Variants in F2R observed in about 807,000 individuals in gnomAD.
F2R encodes proteinase-activated receptor 1.
A neutral mutation model predicts 18.3 loss-of-function variants in F2R; 12 were observed. The observed-to-expected ratio is 0.66, with a 90% CI of 0.42 to 1.06. The LOEUF is 1.06. Ranked by LOEUF, F2R falls within the 50% of genes least tolerant of loss-of-function variation. The pLI is 0.00. For missense variants in F2R, 438 were observed against 530.8 expected, an observed-to-expected ratio of 0.83 and a Z score of 1.72; for synonymous variants, 210 against 219.9, an observed-to-expected ratio of 0.95 and a Z score of 0.40.
At chr5:76,727,973 G>C (rs1374474680) in intron 1 of F2R, among the ~76,000 whole-genome samples, 4 of 149,274 alleles carry the variant, frequency 2.7e-5, no homozygotes, top group Non-Finnish European at 4.4e-5. Context: ...CTGTAGCCTC[G>C]ATCTCCCAGG....
In F2R at chr5:76,716,226, G is replaced by T. The variant is rs376276260; in HGVS notation, c.-82G>T. Reference sequence around the variant, plus strand: ...GCCGCGAAGACCGGCTCCCCGACCCGCAGAAGTCAGGAGAGAGGGTGAAGC... The same window carrying T: ...GCCGCGAAGACCGGCTCCCCGACCCTCAGAAGTCAGGAGAGAGGGTGAAGC... On this transcript the variant is annotated 5_prime_UTR_variant, in exon 1 of 2. Transcript: ENST00000319211. The T allele has an allele frequency of 5.3e-6, 6 of 1,131,216 alleles. No homozygotes were observed. The highest frequency in any genetic ancestry group is 6.8e-6 in the Non-Finnish European group (6 of 876,362). 70.1% of individuals were successfully genotyped at this position (1,131,216 alleles called of 1,614,324 possible).
chr5:76,735,418 G>T lies in F2R; in HGVS notation c.*1915G>T, dbSNP rs570275605. On this transcript the variant is annotated 3_prime_UTR_variant, in exon 2 of 2. Coordinates refer to ENST00000319211, the MANE Select transcript of F2R (RefSeq NM_001992.5). ...GAACCCAGGAGGCGGACCTTGTAGT[G>T]AGCCGAGATCGCGCCACTGTGCTCC... is the stretch of plus-strand genomic sequence containing the variant. 6.6e-6 allele frequency: 1 copy of T among 152,292 alleles called. No homozygotes were observed. The highest frequency in any genetic ancestry group is 2.1e-4 in the South Asian group (1 of 4,830). The allele number at this position is 152,292 out of a possible 1,614,324, so 9.4% of individuals were successfully genotyped here.
At chr5:76,721,297 G>A (rs1306364386) in intron 1 of F2R, among the ~76,000 whole-genome samples, 1 of 151,944 alleles carries the variant, frequency 6.6e-6, no homozygotes, top group Admixed American at 6.6e-5. Flanking sequence ...CTTTCATTCT[G>A]CCTTTTTCTT....
At chr5:76,719,274 G>A (rs542264479) in intron 1 of F2R, among the ~76,000 whole-genome samples, 1 of 152,332 alleles carries the variant, frequency 6.6e-6, no homozygotes, top group South Asian at 2.1e-4. Flanking sequence ...ACCCAGAATG[G>A]TTAAGTCACA....
chr5:76,723,343 G>A (rs1032930642), intron 1 of F2R, among the ~76,000 whole-genome samples: 3 of 152,202 alleles, frequency 2.0e-5, no homozygotes, highest in South Asian at 2.1e-4. Flanking sequence ...AGAGAATAGC[G>A]TGGAGTGGTC....
At position 76,732,908 on chromosome 5, in the gene F2R, C is replaced by A. The variant is rs768959898; in HGVS notation, c.683C>A (p.Ala228Asp). The A allele has an allele frequency of 1.2e-6, 2 of 1,614,144 alleles. No individual in the cohort carries two copies. Among genetic ancestry groups the A allele is most frequent in the Non-Finnish European group, 1.7e-6 (2 of 1,180,038 alleles). The change falls in exon 2 of 2, where the codon GCT becomes GAT. Residue 228 changes from alanine to aspartate, a missense_variant. By Grantham distance (126) the Ala-to-Asp change is moderately radical. Transcript: ENST00000319211. ...TCCTTCACTTGTCTGGCCATCTGGG[C>A]TTTGGCCATCGCAGGGGTAGTGCCT... Reference protein sequence around the residue: ...RASFTCLAIWALAIAGVVPLL... With the variant: ...RASFTCLAIWDLAIAGVVPLL...
In F2R at chr5:76,732,251, C is replaced by T. The variant is rs1748680793; in HGVS notation, c.89-63C>T. Reference sequence around the variant, plus strand: ...AAAGTAAAATATGCTCTCTGCTTGTCGCTTTTGCCTTGTTGATGCGTTCAC... The same window carrying T: ...AAAGTAAAATATGCTCTCTGCTTGTTGCTTTTGCCTTGTTGATGCGTTCAC... On this transcript the variant is annotated intron_variant, in intron 1 of 1. Transcript: ENST00000319211. The T allele has an allele frequency of 5.4e-6, 7 of 1,284,516 alleles. No individual in the cohort carries two copies. In the South Asian group the frequency reaches 6.1e-5, roughly 11 times the overall value. The allele number at this position is 1,284,516 out of a possible 1,614,324, so 79.6% of individuals were successfully genotyped here. A position where few individuals can be genotyped will look rare whatever the true frequency, so the allele number is the denominator to read the frequency against.
Position 76,716,235 on chromosome 5 carries a change from A to G in F2R, c.-73A>G, listed in dbSNP as rs1176068889. The G allele has an allele frequency of 8.3e-7, 1 of 1,201,566 alleles. No homozygotes were observed. The highest frequency in any genetic ancestry group is 1.1e-6 in the Non-Finnish European group (1 of 933,108). The allele number at this position is 1,201,566 out of a possible 1,614,324, so 74.4% of individuals were successfully genotyped here. A position where few individuals can be genotyped will look rare whatever the true frequency, so the allele number is the denominator to read the frequency against. ...ACCGGCTCCCCGACCCGCAGAAGTC[A>G]GGAGAGAGGGTGAAGCGGAGCAGCC... is the stretch of plus-strand genomic sequence containing the variant. On this transcript the variant is annotated 5_prime_UTR_variant, in exon 1 of 2. Transcript: ENST00000319211.
chr5:76,726,647 G>A (rs1271069429), intron 1 of F2R, among the ~76,000 whole-genome samples: 2 of 152,078 alleles, frequency 1.3e-5, no homozygotes, highest in African/African-American at 4.8e-5. Context: ...GTTGCAGTGA[G>A]CCAAAATCGC....
rs553937526 is a variant in F2R, at chr5:76,730,550, C to T, written c.89-1764C>T. ...GACACCGTATGTCTGGAGCTTGTTT[C>T]TCCACATACCAAGCAACCAATTCTC... On this transcript the variant is annotated intron_variant, in intron 1 of 1. Transcript: ENST00000319211. 8.5e-5 allele frequency among the ~76,000 whole-genome samples: 13 copies of T among 152,350 alleles called. No homozygotes were observed. In the South Asian group the frequency reaches 2.7e-3, roughly 32 times the overall value.
intron 1 of F2R, among the ~76,000 whole-genome samples, chr5:76,722,509 G>T (rs1748481157): frequency 6.6e-6 from 1 of 151,134 alleles, no homozygotes. Flanking sequence ...GGGTACACCT[G>T]CGTTTACTTT....
chr5:76,725,772 C>T (rs551757938), intron 1 of F2R, among the ~76,000 whole-genome samples: 1 of 152,170 alleles, frequency 6.6e-6, no homozygotes, highest in Non-Finnish European at 1.5e-5. Context: ...ATAAAAATTT[C>T]ATGTTTCCAC....
chr5:76,732,875 G>C lies in F2R; in HGVS notation c.650G>C (p.Gly217Ala). The C allele has an allele frequency of 6.2e-7, 1 of 1,614,168 alleles. No homozygotes were observed. The highest frequency in any genetic ancestry group is 1.3e-5 in the African/African-American group (1 of 75,046). The change falls in exon 2 of 2, where the codon GGA becomes GCA. Residue 217 changes from glycine (G) to alanine (A), a missense_variant. Gly to Ala is a moderately conservative substitution (Grantham distance 60). Coordinates refer to ENST00000319211, the MANE Select transcript of F2R (RefSeq NM_001992.5). Reference sequence around the variant, plus strand: ...CAGTCCCTCTCCTGGCGTACTCTGGGAAGGGCTTCCTTCACTTGTCTGGCC... The same window carrying C: ...CAGTCCCTCTCCTGGCGTACTCTGGCAAGGGCTTCCTTCACTTGTCTGGCC... ...PMQSLSWRTL[G>A]RASFTCLAIW...
chr5:76,734,140 G>C lies in F2R; in HGVS notation c.*637G>C, dbSNP rs1241556013. On this transcript the variant is annotated 3_prime_UTR_variant, in exon 2 of 2. Transcript: ENST00000319211. ...TCCAAGTTTGAATTCCTAAAATTATGGAAACAGATGAAAAGCCTCTGTTTT... is the reference window on the plus strand; with the variant it reads ...TCCAAGTTTGAATTCCTAAAATTATCGAAACAGATGAAAAGCCTCTGTTTT... The C allele has an allele frequency of 6.6e-6, 1 of 152,454 alleles. No homozygotes were observed. Among genetic ancestry groups the C allele is most frequent in the Non-Finnish European group, 1.5e-5 (1 of 68,132 alleles). 9.4% of individuals were successfully genotyped at this position (152,454 alleles called of 1,614,324 possible).
intron 1 of F2R, among the ~76,000 whole-genome samples, chr5:76,718,190 G>A (rs1190445712): frequency 6.6e-6 from 1 of 152,158 alleles, no homozygotes; most frequent in African/African-American, 2.4e-5. Context: ...AAGACCCAGA[G>A]ACAGCGGCTA....
chr5:76,723,259 T>G (rs1450299371), intron 1 of F2R, among the ~76,000 whole-genome samples: 1 of 152,188 alleles, frequency 6.6e-6, no homozygotes, highest in Non-Finnish European at 1.5e-5. Context: ...GGCAGATTCA[T>G]TTGTTTGGTG....
intron 1 of F2R, among the ~76,000 whole-genome samples, chr5:76,729,316 G>A (rs1748628335): frequency 6.6e-6 from 1 of 152,162 alleles, no homozygotes; most frequent in Non-Finnish European, 1.5e-5. Context: ...TTTGAAAAAT[G>A]TCTATTCAGA....
chr5:76,733,076 T>A lies in F2R; in HGVS notation c.851T>A (p.Ile284Asn). The A allele has an allele frequency of 6.2e-7, 1 of 1,614,198 alleles. No individual in the cohort carries two copies. Among genetic ancestry groups the A allele is most frequent in the Admixed American group, 1.7e-5 (1 of 60,018 alleles). Residue 284 changes from isoleucine to asparagine, a missense_variant, in exon 2 of 2, where the codon ATC becomes AAC. By Grantham distance (149) the Ile-to-Asn change is moderately radical. Transcript: ENST00000319211. The stretch of plus-strand genomic sequence containing the variant: ...GCTGTCTTCTTTTTTGTGCCGCTGA[T>A]CATTTCCACGGTCTGTTATGTGTCT... ...FSAVFFFVPL[I>N]ISTVCYVSII...
Position 76,735,585 on chromosome 5 carries a change from C to A in F2R, c.*2082C>A, listed in dbSNP as rs1014742407. 2.6e-5 allele frequency: 4 copies of A among 152,108 alleles called. No homozygotes were observed. Among genetic ancestry groups the A allele is most frequent in the African/African-American group, 9.7e-5 (4 of 41,416 alleles). The allele number at this position is 152,108 out of a possible 1,614,324, so 9.4% of individuals were successfully genotyped here. A position where few individuals can be genotyped will look rare whatever the true frequency, so the allele number is the denominator to read the frequency against. On this transcript the variant is annotated 3_prime_UTR_variant, in exon 2 of 2. Coordinates refer to ENST00000319211, the MANE Select transcript of F2R (RefSeq NM_001992.5). ...ACTGTATTGTAAGTAGAAGCTAGCA[C>A]TGGTTTTATTAATTTAGTGACTATT...
Sources: gnomAD v4.1 joint callset for allele counts (sites outside exome capture counted in the v4.1 genomes callset) on GRCh38, gnomAD v4.1.1 for gene constraint, MANE v1.5 for transcripts, NCBI Gene and HGNC (gene_info 2026-07-23, HGNC 2026-07-21) for gene names.